Variants in SGCD observed in about 807,000 individuals in gnomAD.
The protein encoded by SGCD is delta-sarcoglycan.
A neutral mutation model predicts 36.6 loss-of-function variants in SGCD; 18 were observed. The observed-to-expected ratio is 0.49, with a 90% CI of 0.34 to 0.73. SGCD has a LOEUF of 0.73. Ranked by LOEUF, SGCD falls within the 30% of genes least tolerant of loss-of-function variation. SGCD has a pLI of 0.01. For synonymous variants in SGCD, 133 were observed against 130.6 expected (o/e 1.02, Z -0.12); for missense variants, 387 against 346.7 (o/e 1.12, Z -0.92).
intron 3 of SGCD, among the ~76,000 whole-genome samples, chr5:156,505,870 AT>A (rs1227615182): frequency 6.6e-6 from 1 of 152,018 alleles, no homozygotes; most frequent in African/African-American, 2.4e-5. Flanking sequence ...TTCTTTGAAT[AT>A]TTGTTATTTT....
chr5:156,462,261 T>A (rs887531522), intron 3 of SGCD, among the ~76,000 whole-genome samples: 2 of 152,210 alleles, frequency 1.3e-5, no homozygotes, highest in African/African-American at 4.8e-5. Context: ...AGCTTCTGGC[T>A]TGAAGGAACA....
At chr5:155,801,741 A>G in the SGCD span, among the ~76,000 whole-genome samples, 4 of 152,244 alleles carry the variant, frequency 2.6e-5, no homozygotes, top group African/African-American at 9.6e-5. Context: ...CCTGTCACAG[A>G]TTCTGTTACA....
At chr5:155,925,861 C>A (rs1405089313) in intron 1 of SGCD, among the ~76,000 whole-genome samples, 2 of 152,144 alleles carry the variant, frequency 1.3e-5, no homozygotes, top group African/African-American at 4.8e-5. Flanking sequence ...AAGTGACCCA[C>A]ACAGCTCAGC....
intron 7 of SGCD, among the ~76,000 whole-genome samples, chr5:156,742,280 C>T (rs1756720966): frequency 6.6e-6 from 1 of 152,140 alleles, no homozygotes; most frequent in Non-Finnish European, 1.5e-5. Flanking sequence ...TTTACTATCT[C>T]TAGCCCCACA....
At chr5:156,529,029 C>T (rs1383509509) in intron 4 of SGCD, among the ~76,000 whole-genome samples, 2 of 152,048 alleles carry the variant, frequency 1.3e-5, no homozygotes, top group African/African-American at 2.4e-5. Flanking sequence ...TTGGTTTGTT[C>T]CTTTAGTAGT....
chr5:155,871,785 T>C (rs244992), intron 1 of SGCD, among the ~76,000 whole-genome samples: 19 of 151,956 alleles, frequency 1.3e-4, no homozygotes, highest in African/African-American at 4.1e-4. Flanking sequence ...TGACAGGAGG[T>C]TTGCCAGTGA....
chr5:156,636,746 C>A (rs2113550336), intron 6 of SGCD, among the ~76,000 whole-genome samples: 1 of 152,272 alleles, frequency 6.6e-6, no homozygotes, highest in African/African-American at 2.4e-5. Context: ...TACATGAGAG[C>A]AAAATGTCCA....
intron 1 of SGCD, among the ~76,000 whole-genome samples, chr5:155,964,175 T>G (rs1358500041): frequency 6.6e-6 from 1 of 152,166 alleles, no homozygotes; most frequent in African/African-American, 2.4e-5. Flanking sequence ...CTTCATCATC[T>G]TCTTTTATAT....
At chr5:156,170,408 A>C (rs751650402) in intron 3 of SGCD, among the ~76,000 whole-genome samples, 2 of 152,160 alleles carry the variant, frequency 1.3e-5, no homozygotes, top group Non-Finnish European at 2.9e-5. Context: ...ACCCTGAGAA[A>C]AATCATAAAG....
intron 3 of SGCD, among the ~76,000 whole-genome samples, chr5:156,244,903 T>C (rs1371665190): frequency 6.6e-6 from 1 of 152,204 alleles, no homozygotes; most frequent in Admixed American, 6.5e-5. Context: ...CATTGAAACC[T>C]TTCCCCTACT....
intron 3 of SGCD, among the ~76,000 whole-genome samples, chr5:156,358,020 C>T (rs747733846): frequency 3.3e-5 from 5 of 152,212 alleles, no homozygotes; most frequent in Non-Finnish European, 1.5e-5. Flanking sequence ...CTTAGCTAAT[C>T]ATCCAGTTTG....
chr5:155,991,075 T>G (rs1228055575), intron 1 of SGCD, among the ~76,000 whole-genome samples: 1 of 152,188 alleles, frequency 6.6e-6, no homozygotes, highest in Non-Finnish European at 1.5e-5. Context: ...AGGATGCTGC[T>G]TGCCGTTCCA....
intron 4 of SGCD, among the ~76,000 whole-genome samples, chr5:156,529,176 C>CAGCACTTT (rs1180147976): frequency 6.6e-6 from 1 of 151,970 alleles, no homozygotes; most frequent in African/African-American, 2.4e-5. Context: ...TCTGTAATCC[C>CAGCACTTT]AGCACTTTGG....
At chr5:156,089,741 A>G (rs559712660) in intron 1 of SGCD, among the ~76,000 whole-genome samples, 1 of 152,342 alleles carries the variant, frequency 6.6e-6, no homozygotes, top group East Asian at 1.9e-4. Context: ...TTCTTACTGC[A>G]TAAAACATGT....
chr5:156,074,434 A>G (rs941132867), intron 1 of SGCD, among the ~76,000 whole-genome samples: 2 of 152,182 alleles, frequency 1.3e-5, no homozygotes, highest in African/African-American at 2.4e-5. Context: ...AAAAATGTGT[A>G]TTTACTTGGG....
upstream of SGCD, among the ~76,000 whole-genome samples, chr5:155,868,355 T>TTTTTC: frequency 7.4e-6 from 1 of 134,708 alleles, no homozygotes; most frequent in African/African-American, 3.0e-5. Flanking sequence ...TCCAGCCCTT[T>TTTTTC]TTTTCTTTTT....
At chr5:155,738,121 T>C in the SGCD span, among the ~76,000 whole-genome samples, 299 of 152,284 alleles carry the variant, frequency 2.0e-3, 2 homozygotes, top group Non-Finnish European at 3.5e-3. Flanking sequence ...TTTAAAGGCA[T>C]TAACATAAGG....
At chr5:156,404,680 T>C (rs1772321616) in intron 3 of SGCD, among the ~76,000 whole-genome samples, 1 of 152,208 alleles carries the variant, frequency 6.6e-6, no homozygotes, top group Non-Finnish European at 1.5e-5. Context: ...AGATCATATA[T>C]ATTTTTTCTT....
intron 4 of SGCD, among the ~76,000 whole-genome samples, chr5:156,537,066 G>T (rs890532041): frequency 6.6e-6 from 1 of 152,106 alleles, no homozygotes; most frequent in Admixed American, 6.6e-5. Context: ...GGAGATTTCC[G>T]GTCCTGAAAC....
Sources: gnomAD v4.1 joint callset for allele counts (sites outside exome capture counted in the v4.1 genomes callset) on GRCh38, gnomAD v4.1.1 for gene constraint, MANE v1.5 for transcripts, NCBI Gene and HGNC (gene_info 2026-07-23, HGNC 2026-07-21) for gene names.